Variants in ETV1 observed in about 807,000 individuals in gnomAD.
ETV1 encodes ETS translocation variant 1.
Under a neutral mutation model 62.3 loss-of-function variants are expected in ETV1, and 27 were observed. That is an observed-to-expected ratio of 0.43 (90% CI 0.32 to 0.60). The LOEUF (loss-of-function observed/expected upper bound fraction) is 0.60. Ranked by LOEUF, ETV1 falls within the 20% of genes least tolerant of loss-of-function variation. The pLI, the probability that ETV1 is intolerant of heterozygous loss-of-function variation, is 0.06. For missense variants in ETV1, 605 were observed against 605.8 expected, an observed-to-expected ratio of 1.00 and a Z score of 0.01; for synonymous variants, 222 against 199.6, an observed-to-expected ratio of 1.11 and a Z score of -0.94.
At chr7:13,917,636 A>G (rs193232110) in intron 9 of ETV1, among the ~76,000 whole-genome samples, 2 of 151,568 alleles carry the variant, frequency 1.3e-5, no homozygotes, top group African/African-American at 4.8e-5. Context: ...TATTTATTTC[A>G]TACTACCATA....
At chr7:13,984,929 T>TAAAAAAA (rs67286902) in intron 5 of ETV1, among the ~76,000 whole-genome samples, 12 of 148,994 alleles carry the variant, frequency 8.1e-5, no homozygotes, top group Non-Finnish European at 1.0e-4. Context: ...AGTCAAAAGT[T>TAAAAAAA]AAAAAAAAAG....
At chr7:13,917,557 A>T (rs965449049) in intron 9 of ETV1, among the ~76,000 whole-genome samples, 2 of 151,914 alleles carry the variant, frequency 1.3e-5, no homozygotes, top group African/African-American at 4.8e-5. Flanking sequence ...ACCTCAGGTG[A>T]TCTGCCGTCT....
chr7:13,935,116 C>G (rs868312035), intron 8 of ETV1, among the ~76,000 whole-genome samples: 18 of 152,154 alleles, frequency 1.2e-4, no homozygotes, highest in Admixed American at 3.9e-4. Flanking sequence ...TAGATCTATG[C>G]TATGCTTCTT....
intron 6 of ETV1, among the ~76,000 whole-genome samples, chr7:13,969,589 A>G (rs1326680975): frequency 6.6e-6 from 1 of 152,162 alleles, no homozygotes; most frequent in African/African-American, 2.4e-5. Flanking sequence ...TTCCTTAGAG[A>G]TACAGAAGCC....
chr7:13,923,912 G>A (rs998260955), intron 9 of ETV1, among the ~76,000 whole-genome samples: 1 of 152,082 alleles, frequency 6.6e-6, no homozygotes, highest in African/African-American at 2.4e-5. Context: ...GCGCACGCCT[G>A]TGATCCCAGC....
At chr7:13,986,088 A>T in intron 5 of ETV1, 3 of 1,517,720 alleles carry the variant, frequency 2.0e-6, no homozygotes, top group Non-Finnish European at 2.7e-6. Flanking sequence ...TTTTAAACCC[A>T]TAGATTTCCT....
intron 10 of ETV1, 117 bp from the exon 11 acceptor site, chr7:13,909,817 G>T: frequency 1.2e-6 from 1 of 838,068 alleles, no homozygotes; most frequent in Non-Finnish European, 2.0e-6. Context: ...CCACCTTTCA[G>T]TTCCTTGAGC....
intron 6 of ETV1, among the ~76,000 whole-genome samples, chr7:13,959,478 C>T (rs576578230): frequency 1.3e-5 from 2 of 152,218 alleles, no homozygotes; most frequent in Admixed American, 6.5e-5. Flanking sequence ...AGAATTATAT[C>T]CCATATAAAT....
intron 5 of ETV1, chr7:13,986,082 A>C: frequency 6.7e-7 from 1 of 1,486,644 alleles, no homozygotes; most frequent in South Asian, 1.2e-5. Context: ...CATTTATTTT[A>C]AACCCATAGA....
intron 9 of ETV1, among the ~76,000 whole-genome samples, chr7:13,927,782 G>C (rs1287147065): frequency 1.3e-5 from 2 of 152,126 alleles, no homozygotes; most frequent in Non-Finnish European, 2.9e-5. Flanking sequence ...ATAGGCCCTG[G>C]TTATGGGGTT....
Position 13,935,880 on chromosome 7 carries a change from G to A in ETV1, c.382C>T (p.Pro128Ser). 1 of 1,613,528 alleles carries A rather than the reference G, an allele frequency of 6.2e-7. No homozygotes were observed. Among genetic ancestry groups the A allele is most frequent in the Non-Finnish European group, 8.5e-7 (1 of 1,179,606 alleles). ...LYNVSAYDQK[P>S]QVGMRPSNPP... is the part of the protein sequence containing the mutation. ...TTGGAGGGCCTCATTCCCACTTGTG[G>A]CTTCTGATCATAGGCACTACCCAGG... The change falls in exon 8 of 14, where the codon CCA (proline) becomes TCA (serine). Residue 128 changes from proline (P) to serine (S), a missense_variant. Pro to Ser is a moderately conservative substitution (Grantham distance 74). Coordinates refer to ENST00000430479, the MANE Select transcript of ETV1 (RefSeq NM_004956.5).
intron 6 of ETV1, among the ~76,000 whole-genome samples, chr7:13,944,029 T>C (rs1198167547): frequency 6.6e-6 from 1 of 152,024 alleles, no homozygotes; most frequent in African/African-American, 2.4e-5. Flanking sequence ...AGGAATGGCA[T>C]GTTTGGGGTG....
intron 10 of ETV1, among the ~76,000 whole-genome samples, chr7:13,910,940 T>C (rs911862207): frequency 2.6e-5 from 4 of 152,186 alleles, no homozygotes; most frequent in Non-Finnish European, 4.4e-5. Flanking sequence ...ATTTCAGTAG[T>C]AGTAAAGTGG....
intron 5 of ETV1, 53 bp from the exon 6 acceptor site, chr7:13,977,533 A>G: frequency 1.6e-6 from 2 of 1,229,124 alleles, no homozygotes; most frequent in Non-Finnish European, 1.2e-6. Context: ...TGCCAAAAGC[A>G]TAAGGAATGT....
At chr7:13,948,615 C>T (rs367959163) in intron 6 of ETV1, among the ~76,000 whole-genome samples, 3 of 152,104 alleles carry the variant, frequency 2.0e-5, no homozygotes, top group Non-Finnish European at 4.4e-5. Flanking sequence ...CCATTCATTT[C>T]GGTCTAGTCT....
chr7:13,906,358 A>G, intron 12 of ETV1, 72 bp downstream of exon 12: 1 of 1,016,234 alleles, frequency 9.8e-7, no homozygotes, highest in Non-Finnish European at 1.4e-6. Flanking sequence ...TTTTTGGTAT[A>G]TTAATCAAAT....
At chr7:13,928,785 C>T (rs1321260617) in intron 9 of ETV1, among the ~76,000 whole-genome samples, 7 of 152,106 alleles carry the variant, frequency 4.6e-5, no homozygotes, top group African/African-American at 1.7e-4. Context: ...TGGTGAAACC[C>T]CGTCTCTACT....
At chr7:13,937,172 T>G (rs960083039) in intron 7 of ETV1, among the ~76,000 whole-genome samples, 12 of 152,346 alleles carry the variant, frequency 7.9e-5, no homozygotes, top group African/African-American at 2.4e-4. Context: ...CGGAATTATA[T>G]CCAGCTGCAA....
At chr7:13,896,735 G>GAAAAAA (rs1414133613) in intron 13 of ETV1, among the ~76,000 whole-genome samples, 1 of 51,446 alleles carries the variant, frequency 1.9e-5, no homozygotes. Context: ...AAAAGAAAAA[G>GAAAAAA]AAAGAAAGGA....
Sources: gnomAD v4.1 joint callset for allele counts (sites outside exome capture counted in the v4.1 genomes callset) on GRCh38, gnomAD v4.1.1 for gene constraint, MANE v1.5 for transcripts, NCBI Gene and HGNC (gene_info 2026-07-23, HGNC 2026-07-21) for gene names.